The following PIP4K2A variants were observed in gnomAD, a reference collection of about 807,000 sequenced individuals.
PIP4K2A encodes phosphatidylinositol 5-phosphate 4-kinase type-2 alpha.
Under a neutral mutation model 42.9 loss-of-function variants are expected in PIP4K2A, and 14 were observed. The ratio of observed to expected loss-of-function variants is 0.33; its 90% confidence interval spans 0.22 to 0.51. The LOEUF (loss-of-function observed/expected upper bound fraction) is 0.51. Ranked by LOEUF, PIP4K2A falls within the 20% of genes least tolerant of loss-of-function variation. PIP4K2A has a pLI of 0.97. For missense variants in PIP4K2A, 434 were observed against 519.8 expected, an observed-to-expected ratio of 0.83 and a Z score of 1.61; for synonymous variants, 192 against 192.2, an observed-to-expected ratio of 1.00 and a Z score of 0.01.
chr10:22,584,871 AAT>A (rs1373011873), intron 4 of PIP4K2A, among the ~76,000 whole-genome samples: 1 of 152,166 alleles, frequency 6.6e-6, no homozygotes, highest in Non-Finnish European at 1.5e-5. Context: ...CCTCCGGAAA[AAT>A]GAACAAAAGG....
chr10:22,656,511 C>G (rs923639338), intron 1 of PIP4K2A, among the ~76,000 whole-genome samples: 3 of 152,094 alleles, frequency 2.0e-5, no homozygotes, highest in Non-Finnish European at 4.4e-5. Flanking sequence ...CATCTTGCTG[C>G]TACAAGGGTG....
intron 1 of PIP4K2A, among the ~76,000 whole-genome samples, chr10:22,654,698 G>A (rs1564456724): frequency 6.6e-6 from 1 of 152,182 alleles, no homozygotes; most frequent in Non-Finnish European, 1.5e-5. Flanking sequence ...GCAAGCTGGA[G>A]TTGGGAGACC....
At chr10:22,558,338 A>C (rs1350724918) in intron 6 of PIP4K2A, among the ~76,000 whole-genome samples, 3 of 152,244 alleles carry the variant, frequency 2.0e-5, no homozygotes, top group African/African-American at 7.2e-5. Context: ...ATAATTCACA[A>C]GTATTTCTAT....
chr10:22,614,705 C>T (rs10828325), intron 1 of PIP4K2A, among the ~76,000 whole-genome samples: 27,984 of 152,154 alleles, frequency 0.18, 3,253 homozygotes, highest in Non-Finnish European at 0.26. Flanking sequence ...TGAGGCTTAG[C>T]GATCATTCGT....
Position 22,542,086 on chromosome 10 carries a change from A to G in PIP4K2A, c.793-39T>C, listed in dbSNP as rs745479501. 8 of 1,549,876 alleles carry G rather than the reference A, an allele frequency of 5.2e-6. No individual in the cohort carries two copies. The East Asian group carries it at 1.8e-4, about 35-fold the overall frequency. On this transcript the variant is annotated intron_variant, in intron 7 of 9. Transcript: ENST00000376573. Reference sequence around the variant, plus strand: ...CAACAGGGTGAGTCAGCCACACCTTAAACATAAAAGCCAACATTTAAAGGA... The same window carrying G: ...CAACAGGGTGAGTCAGCCACACCTTGAACATAAAAGCCAACATTTAAAGGA...
intron 1 of PIP4K2A, among the ~76,000 whole-genome samples, chr10:22,673,380 G>A (rs543879680): frequency 6.6e-6 from 1 of 152,280 alleles, no homozygotes; most frequent in Admixed American, 6.5e-5. Flanking sequence ...AAATATGTAT[G>A]CATGAATTAA....
chr10:22,709,470 T>G (rs1833878837), intron 1 of PIP4K2A, among the ~76,000 whole-genome samples: 1 of 152,226 alleles, frequency 6.6e-6, no homozygotes, highest in Admixed American at 6.5e-5. Flanking sequence ...ATTCCAAAAT[T>G]TGTATTTCGA....
chr10:22,666,680 G>A (rs1189306234), intron 1 of PIP4K2A, among the ~76,000 whole-genome samples: 1 of 152,128 alleles, frequency 6.6e-6, no homozygotes, highest in Non-Finnish European at 1.5e-5. Context: ...AGTTCTCCCT[G>A]CACTGTTTCC....
intron 1 of PIP4K2A, among the ~76,000 whole-genome samples, chr10:22,633,519 A>T (rs1330414699): frequency 6.6e-6 from 1 of 152,126 alleles, no homozygotes; most frequent in Non-Finnish European, 1.5e-5. Flanking sequence ...AAATATAATT[A>T]TCTTCATCAT....
intron 6 of PIP4K2A, among the ~76,000 whole-genome samples, chr10:22,564,508 T>C (rs997247326): frequency 1.3e-5 from 2 of 152,222 alleles, no homozygotes; most frequent in African/African-American, 4.8e-5. Flanking sequence ...TGTGACTCTG[T>C]ACACACCCTG....
In PIP4K2A at chr10:22,613,244, AAGTTG is replaced by A. The variant is rs535888921; in HGVS notation, c.145-3532_145-3528del. ...GGAGTGTAGCAATGGAACCCAGACT[AAGTTG>A]AGTTAAGGAAATGCTGGCACTGCAC... is the stretch of plus-strand genomic sequence containing the variant. On this transcript the variant is annotated intron_variant, in intron 1 of 9. Coordinates refer to ENST00000376573, the MANE Select transcript of PIP4K2A (RefSeq NM_005028.5). 5.7e-3 allele frequency among the ~76,000 whole-genome samples: 866 copies of A among 152,072 alleles called. 7 individuals are homozygous for A. The highest frequency in any genetic ancestry group is 8.9e-3 in the Non-Finnish European group (606 of 67,974).
rs140882125 is a variant in PIP4K2A at position 22,681,171 on chromosome 10, C to G, written c.144+33012G>C. ...CAGCATAAAAGTGTCTTGCTTTGGC[C>G]AATTCCTTTGGATTTCACTCTTTTA... On this transcript the variant is annotated intron_variant, in intron 1 of 9. Transcript: ENST00000376573. Among the ~76,000 whole-genome samples the G allele has an allele frequency of 4.5e-3, 689 of 152,288 alleles. 5 individuals are homozygous for G. The highest frequency in any genetic ancestry group is 0.017 in the Middle Eastern group (5 of 294).
intron 6 of PIP4K2A, among the ~76,000 whole-genome samples, chr10:22,566,676 C>G (rs2130786097): frequency 6.6e-6 from 1 of 152,020 alleles, no homozygotes; most frequent in South Asian, 2.1e-4. Flanking sequence ...ACCAAATACT[C>G]CCCACTCTGA....
intron 1 of PIP4K2A, among the ~76,000 whole-genome samples, chr10:22,649,275 T>C (rs1259256635): frequency 2.0e-5 from 3 of 152,278 alleles, no homozygotes; most frequent in Non-Finnish European, 4.4e-5. Flanking sequence ...GGGTCTATAA[T>C]GTCTGTTTCT....
At chr10:22,558,078 T>C (rs1405621792) in intron 6 of PIP4K2A, among the ~76,000 whole-genome samples, 2 of 152,222 alleles carry the variant, frequency 1.3e-5, no homozygotes, top group African/African-American at 4.8e-5. Flanking sequence ...TAAGTCTAAT[T>C]GTAAGCCTCA....
At chr10:22,554,391 TG>T (rs1320554542) in intron 6 of PIP4K2A, among the ~76,000 whole-genome samples, 1 of 152,222 alleles carries the variant, frequency 6.6e-6, no homozygotes, top group Non-Finnish European at 1.5e-5. Context: ...AAATTAACTG[TG>T]GGCAGCGACA....
intron 6 of PIP4K2A, 73 bp from the exon 7 acceptor site, chr10:22,550,845 C>T (rs1384493400): frequency 2.3e-6 from 2 of 886,924 alleles, no homozygotes; most frequent in African/African-American, 1.7e-5. Context: ...ACCTTCCAAC[C>T]CTGGACACTG....
chr10:22,569,392 C>T (rs1836927878), intron 5 of PIP4K2A, among the ~76,000 whole-genome samples: 1 of 152,186 alleles, frequency 6.6e-6, no homozygotes, highest in Admixed American at 6.5e-5. Flanking sequence ...ACCTGAGAAC[C>T]CATTCTACGA....
At chr10:22,548,750 A>G (rs76479364) in intron 7 of PIP4K2A, among the ~76,000 whole-genome samples, 1,937 of 152,322 alleles carry the variant, frequency 0.013, 48 homozygotes, top group African/African-American at 0.045. Context: ...GTTTGTTTGA[A>G]GTAGATGCTT....
Sources: allele counts gnomAD v4.1 joint callset (sites outside exome capture counted in the v4.1 genomes callset), GRCh38; gene constraint gnomAD v4.1.1; transcripts MANE v1.5; gene names NCBI Gene and HGNC (gene_info 2026-07-23, HGNC 2026-07-21).